Variants in LMX1B observed in about 807,000 individuals in gnomAD.
LMX1B encodes the protein LIM homeobox transcription factor 1-beta.
Under a neutral mutation model 51.4 loss-of-function variants are expected in LMX1B, and 12 were observed. The observed-to-expected ratio is 0.23, with a 90% CI of 0.15 to 0.38. LMX1B has a LOEUF of 0.38. LMX1B is among the 10% of genes least tolerant of loss of function. The pLI, the probability that LMX1B is intolerant of heterozygous loss-of-function variation, is 1.00. For synonymous variants in LMX1B, 237 were observed against 235.4 expected (o/e 1.01, Z -0.06); for missense variants, 445 against 571.1 (o/e 0.78, Z 2.25).
chr9:126,656,225 A>G (rs1836112984), intron 2 of LMX1B, among the ~76,000 whole-genome samples: 1 of 152,194 alleles, frequency 6.6e-6, no homozygotes, highest in East Asian at 1.9e-4. Context: ...GACAGGTGTC[A>G]ATGAGCACCT....
At chr9:126,616,784 CTG>C in intron 2 of LMX1B, among the ~76,000 whole-genome samples, 1 of 152,344 alleles carries the variant, frequency 6.6e-6, no homozygotes, top group East Asian at 1.9e-4. Flanking sequence ...AACTGTTTAA[CTG>C]AGGCCTGGAA....
intron 2 of LMX1B, among the ~76,000 whole-genome samples, chr9:126,637,693 G>A (rs1175886767): frequency 6.6e-6 from 1 of 152,066 alleles, no homozygotes; most frequent in Non-Finnish European, 1.5e-5. Context: ...ATCCTGGCCT[G>A]TGACGTCCAT....
At chr9:126,670,244 CAT>C (rs1474718852) in intron 2 of LMX1B, among the ~76,000 whole-genome samples, 4 of 152,232 alleles carry the variant, frequency 2.6e-5, no homozygotes, top group African/African-American at 9.6e-5. Flanking sequence ...CATGGCCAGA[CAT>C]GTGCATACAT....
At chr9:126,687,323 G>C (rs995016350) in intron 2 of LMX1B, among the ~76,000 whole-genome samples, 1 of 152,042 alleles carries the variant, frequency 6.6e-6, no homozygotes, top group Non-Finnish European at 1.5e-5. Flanking sequence ...CCACCTCCCA[G>C]GTTCAAGTGA....
intron 2 of LMX1B, among the ~76,000 whole-genome samples, chr9:126,621,620 C>T (rs9299314): frequency 0.051 from 7,478 of 147,308 alleles, 649 homozygotes; most frequent in African/African-American, 0.18. Flanking sequence ...TTTGGTTCCC[C>T]GGTGGCCTAT....
At chr9:126,674,640 G>C (rs565506652) in intron 2 of LMX1B, among the ~76,000 whole-genome samples, 45 of 152,290 alleles carry the variant, frequency 3.0e-4, no homozygotes, top group Admixed American at 9.8e-4. Flanking sequence ...TCCCATCTCA[G>C]GCAGGGCTCC....
intron 2 of LMX1B, among the ~76,000 whole-genome samples, chr9:126,669,501 C>A (rs1836411182): frequency 6.6e-6 from 1 of 152,100 alleles, no homozygotes; most frequent in Admixed American, 6.5e-5. Context: ...TCCCTGGGCA[C>A]CTGCAGCCTG....
chr9:126,619,861 T>C (rs377002125), intron 2 of LMX1B, among the ~76,000 whole-genome samples: 2 of 152,262 alleles, frequency 1.3e-5, no homozygotes, highest in African/African-American at 4.8e-5. Context: ...GGGTATGTGA[T>C]TGGTGACTGT....
At chr9:126,650,945 T>G (rs1343658078) in intron 2 of LMX1B, among the ~76,000 whole-genome samples, 1 of 152,202 alleles carries the variant, frequency 6.6e-6, no homozygotes, top group Non-Finnish European at 1.5e-5. Flanking sequence ...GTATGTGTCA[T>G]GTAGCCAATT....
rs1225310360 is a variant in LMX1B, at chr9:126,677,631, C to T, written c.327-13205C>T. On this transcript the variant is annotated intron_variant, in intron 2 of 7. Coordinates refer to ENST00000373474, the MANE Select transcript of LMX1B (RefSeq NM_001174147.2). This position sits in a 1 kb window ranked among gnomAD's most constrained non-coding sequence, Gnocchi z 5.0. The stretch of plus-strand genomic sequence containing the variant: ...TGTGTAAGGAAGAGACTCCTACCTC[C>T]GGTAGTGGTCATGAGGCATCAGTGA... 2.6e-5 allele frequency among the ~76,000 whole-genome samples: 4 copies of T among 152,188 alleles called. No individual in the cohort carries two copies. The highest frequency in any genetic ancestry group is 4.4e-5 in the Non-Finnish European group (3 of 68,038).
chr9:126,672,956 G>A (rs975161314), intron 2 of LMX1B, among the ~76,000 whole-genome samples: 8 of 152,344 alleles, frequency 5.3e-5, no homozygotes, highest in African/African-American at 9.6e-5. Context: ...TGGTCAGAAC[G>A]GTGCGCCTCT....
Position 126,697,612 on chromosome 9 carries a change from A to G in LMX1B, c.*1161A>G, listed in dbSNP as rs928240503. ...GTCCCTCTAAAGGTGTGGGGCAGGT[A>G]TCACTTCACCTTCCCACTGATGTCA... On this transcript the variant is annotated 3_prime_UTR_variant, in exon 8 of 8. Coordinates refer to ENST00000373474, the MANE Select transcript of LMX1B (RefSeq NM_001174147.2). 1 of 152,330 alleles carries G rather than the reference A, an allele frequency of 6.6e-6. No individual in the cohort carries two copies. The highest frequency in any genetic ancestry group is 2.4e-5 in the African/African-American group (1 of 41,460). The allele number at this position is 152,330 out of a possible 1,614,324, so 9.4% of individuals were successfully genotyped here.
intron 2 of LMX1B, among the ~76,000 whole-genome samples, chr9:126,650,561 G>A (rs1835981656): frequency 2.0e-5 from 3 of 152,266 alleles, no homozygotes; most frequent in Non-Finnish European, 4.4e-5. Flanking sequence ...AGGACCAGTT[G>A]TCCTGGAAAG....
chr9:126,689,049 G>A (rs2030016694), intron 2 of LMX1B, among the ~76,000 whole-genome samples: 1 of 152,242 alleles, frequency 6.6e-6, no homozygotes, highest in Non-Finnish European at 1.5e-5. Context: ...AGTAAACTGA[G>A]GTGGGGGACG....
chr9:126,693,858 C>T (rs781308466), intron 6 of LMX1B, 46 bp downstream of exon 6: 11 of 932,622 alleles, frequency 1.2e-5, no homozygotes, highest in East Asian at 2.6e-5. Flanking sequence ...GAGCTGGGGC[C>T]GGGGCCAGGG....
chr9:126,620,597 CT>C (rs1181561068), intron 2 of LMX1B, among the ~76,000 whole-genome samples: 1 of 152,042 alleles, frequency 6.6e-6, no homozygotes, highest in African/African-American at 2.4e-5. Context: ...GCTCTTTCTC[CT>C]TTGGGGGCAG....
chr9:126,674,355 G>A (rs1245463373), intron 2 of LMX1B, among the ~76,000 whole-genome samples: 4 of 152,006 alleles, frequency 2.6e-5, no homozygotes, highest in East Asian at 1.9e-4. Flanking sequence ...CTTCAGGAAC[G>A]CCTGCTCCAC....
rs543089358 is a variant in LMX1B at position 126,614,248 on chromosome 9, C to G, written c.-202C>G. Among the ~76,000 whole-genome samples, 2 of 146,068 alleles carry G rather than the reference C, an allele frequency of 1.4e-5. No homozygotes were observed. Among genetic ancestry groups the G allele is most frequent in the African/African-American group, 4.9e-5 (2 of 40,796 alleles). The stretch of plus-strand genomic sequence containing the variant: ...AGTGTCCGGGAGAGCGCGGCGCGGG[C>G]TGCAGCCGCCCCGGCCCGCCCGCAC... On this transcript the variant is annotated 5_prime_UTR_variant, in exon 1 of 8. Transcript: ENST00000373474.
intron 2 of LMX1B, among the ~76,000 whole-genome samples, chr9:126,667,797 T>C (rs1365470000): frequency 2.0e-5 from 3 of 152,220 alleles, no homozygotes; most frequent in Non-Finnish European, 4.4e-5. Flanking sequence ...AGGTGGCCAG[T>C]GGCAGAGGGC....
Sources: allele counts gnomAD v4.1 joint callset (sites outside exome capture counted in the v4.1 genomes callset), GRCh38; gene constraint gnomAD v4.1.1; non-coding constraint Gnocchi (gnomAD v3.1); transcripts MANE v1.5; gene names NCBI Gene and HGNC (gene_info 2026-07-23, HGNC 2026-07-21).